Variants in C11orf65 observed in about 807,000 individuals in gnomAD.
The protein encoded by C11orf65 is protein MFI.
Under a neutral mutation model 35.3 loss-of-function variants are expected in C11orf65, and 38 were observed. The observed-to-expected ratio is 1.08, with a 90% CI of 0.83 to 1.41. The LOEUF is 1.41. C11orf65 is among the 40% of genes most tolerant of loss of function. The pLI, the probability that C11orf65 is intolerant of heterozygous loss-of-function variation, is 0.00. For missense variants in C11orf65, 370 were observed against 367.1 expected (o/e 1.01, Z -0.06); for synonymous variants, 105 against 114.4 (o/e 0.92, Z 0.53).
chr11:108,396,581 C>T (rs894638305), intron 6 of C11orf65, among the ~76,000 whole-genome samples: 2 of 151,632 alleles, frequency 1.3e-5, no homozygotes, highest in African/African-American at 4.8e-5. Flanking sequence ...CCTGTAATCC[C>T]AACACTTTGG....
At chr11:108,356,062 C>CA (rs749921329) in intron 2 of C11orf65, 3 of 152,132 alleles carry the variant, frequency 2.0e-5, no homozygotes, top group Non-Finnish European at 4.4e-5. Context: ...TTACCGATTT[C>CA]AAATTCTGTT....
intron 2 of C11orf65, among the ~76,000 whole-genome samples, chr11:108,351,128 T>C (rs2089153697): frequency 6.6e-6 from 1 of 152,202 alleles, no homozygotes; most frequent in Non-Finnish European, 1.5e-5. Context: ...AATATAATGC[T>C]AAGTGAAAGA....
intron 3 of C11orf65, among the ~76,000 whole-genome samples, chr11:108,424,957 T>C (rs963473224): frequency 2.6e-5 from 4 of 152,066 alleles, no homozygotes; most frequent in Non-Finnish European, 5.9e-5. Context: ...TTGAAACCAA[T>C]GAGAACAAAG....
In C11orf65 at chr11:108,438,065, A is replaced by G. The variant is rs531185525; in HGVS notation, c.82-6227T>C. Among the ~76,000 whole-genome samples the G allele has an allele frequency of 2.6e-5, 4 of 152,348 alleles. No homozygotes were observed. In the East Asian group the frequency reaches 7.7e-4, roughly 29 times the overall value. ...GGCCTAAGGACAGATATATAGGCCA[A>G]TGGAATAGCATAGAGAGCCTCCAAA... On this transcript the variant is annotated intron_variant, in intron 2 of 8. Transcript: ENST00000393084.
rs2089510680 is a variant in C11orf65, at chr11:108,353,837, G to A, written c.227-18545C>T. On this transcript the variant is annotated intron_variant, in intron 2 of 3. Transcript: ENST00000524755. ...TCCTTTTAGACTCACCAGAGATATT[G>A]TGGATGGCATGGGCATTACGGGTGT... The A allele has an allele frequency of 3.7e-6, 6 of 1,614,052 alleles. No homozygotes were observed. The highest frequency in any genetic ancestry group is 5.1e-6 in the Non-Finnish European group (6 of 1,179,988).
downstream of C11orf65, among the ~76,000 whole-genome samples, chr11:108,382,028 G>A (rs1010241886): frequency 3.3e-5 from 5 of 152,128 alleles, no homozygotes; most frequent in African/African-American, 1.2e-4. Flanking sequence ...TCAAGGAATT[G>A]AGGCCTCCTG....
chr11:108,356,219 A>C (rs1374685527), intron 2 of C11orf65: 1 of 152,126 alleles, frequency 6.6e-6, no homozygotes, highest in African/African-American at 2.4e-5. Context: ...CTCTAAAGTT[A>C]TATTATCTTG....
rs754651005 is a variant in C11orf65 at position 108,314,491 on chromosome 11, G to A, written c.641-5420C>T. On this transcript the variant is annotated intron_variant, in intron 6 of 6. Coordinates refer to the C11orf65 transcript ENST00000525729. ...TTATGTGATATAAGCCTGGTAGGTC[G>A]GTACTTATTTCTTATCTAATTCATG... Among the ~76,000 whole-genome samples, 16 of 151,602 alleles carry A rather than the reference G, an allele frequency of 1.1e-4. No individual in the cohort carries two copies. The East Asian group carries it at 1.7e-3, about 16-fold the overall frequency.
intron 2 of C11orf65, chr11:108,365,874 C>G (rs1005395388): frequency 4.6e-6 from 1 of 218,988 alleles, no homozygotes; most frequent in East Asian, 8.2e-5. Context: ...ACTAAAAATA[C>G]AAAAATTAGC....
intron 3 of C11orf65, among the ~76,000 whole-genome samples, chr11:108,333,212 C>T (rs1001912149): frequency 2.0e-5 from 3 of 152,102 alleles, no homozygotes; most frequent in Non-Finnish European, 4.4e-5. Context: ...CTGAACATTT[C>T]TAGCCTCAAA....
intron 7 of C11orf65, among the ~76,000 whole-genome samples, chr11:108,389,740 C>T (rs11212607): frequency 0.054 from 8,233 of 152,044 alleles, 722 homozygotes; most frequent in African/African-American, 0.18. Context: ...AGTGCAGTGG[C>T]GCGATCTCAG....
chr11:108,393,877 A>G (rs2092235269), intron 6 of C11orf65, among the ~76,000 whole-genome samples: 1 of 152,182 alleles, frequency 6.6e-6, no homozygotes, highest in Non-Finnish European at 1.5e-5. Context: ...GTCTTATTTA[A>G]TTCTTTTTAA....
intron 2 of C11orf65, among the ~76,000 whole-genome samples, chr11:108,458,999 A>G (rs189559598): frequency 6.6e-6 from 1 of 152,292 alleles, no homozygotes; most frequent in Admixed American, 6.5e-5. Context: ...TTTTGTTAGT[A>G]TTCTGTCTAC....
chr11:108,424,960 G>C (rs2092879204), intron 3 of C11orf65, among the ~76,000 whole-genome samples: 1 of 152,126 alleles, frequency 6.6e-6, no homozygotes, highest in Non-Finnish European at 1.5e-5. Context: ...AAACCAATGA[G>C]AACAAAGACA....
intron 2 of C11orf65, among the ~76,000 whole-genome samples, chr11:108,432,732 C>T (rs1467913172): frequency 1.3e-5 from 2 of 152,144 alleles, no homozygotes; most frequent in African/African-American, 4.8e-5. Flanking sequence ...GAAGATGGTA[C>T]AGCCCATGTC....
chr11:108,448,895 A>G (rs1472514523), intron 2 of C11orf65, among the ~76,000 whole-genome samples: 3 of 152,242 alleles, frequency 2.0e-5, no homozygotes. Flanking sequence ...CCATCATTTC[A>G]GCCCAAAATC....
chr11:108,325,985 CATTATT>C (rs3212322), intron 6 of C11orf65: 1 of 1,537,488 alleles, frequency 6.5e-7, no homozygotes, highest in Non-Finnish European at 8.9e-7. Context: ...TTGCTGCTTT[CATTATT>C]ATTATTATTC....
chr11:108,350,646 G>T lies in C11orf65; in HGVS notation c.227-15354C>A, dbSNP rs149063400. On this transcript the variant is annotated intron_variant, in intron 2 of 3. Transcript: ENST00000524755. ...CCATGCCAACATTCAGCGAATGTGAGAGAAAACCTTACAGGTTTACAGAGT... is the reference window on the plus strand; with the variant it reads ...CCATGCCAACATTCAGCGAATGTGATAGAAAACCTTACAGGTTTACAGAGT... 2.6e-5 allele frequency among the ~76,000 whole-genome samples: 4 copies of T among 152,324 alleles called. No homozygotes were observed. The East Asian group carries it at 7.7e-4, about 29-fold the overall frequency.
At chr11:108,436,590 G>C (rs2093063127) in intron 2 of C11orf65, among the ~76,000 whole-genome samples, 1 of 152,116 alleles carries the variant, frequency 6.6e-6, no homozygotes, top group Non-Finnish European at 1.5e-5. Context: ...AGGTGACAAG[G>C]GGTAGACTCA....
Sources: gnomAD v4.1 joint callset for allele counts (sites outside exome capture counted in the v4.1 genomes callset) on GRCh38, gnomAD v4.1.1 for gene constraint, MANE v1.5 for transcripts, NCBI Gene and HGNC (gene_info 2026-07-23, HGNC 2026-07-21) for gene names.